RAB40C: variants seen among roughly 807,000 people sequenced by gnomAD.
RAB40C encodes the protein ras-related protein Rab-40C.
RAB40C carries 8 observed loss-of-function variants against 28.1 expected under a neutral mutation model. That is an observed-to-expected ratio of 0.28 (90% CI 0.17 to 0.51). The LOEUF (loss-of-function observed/expected upper bound fraction) is 0.51. Ranked by LOEUF, RAB40C falls within the 20% of genes least tolerant of loss-of-function variation. The probability of loss-of-function intolerance (pLI) is 0.97; values close to 1 mark genes in which losing one functional copy is unlikely to be tolerated. For synonymous variants in RAB40C, 201 were observed against 171.7 expected (o/e 1.17, Z -1.34); for missense variants, 288 against 405.9 (o/e 0.71, Z 2.50).
At chr16:624,369 T>G in intron 3 of RAB40C, 1 of 985,470 alleles carries the variant, frequency 1.0e-6, no homozygotes, top group Non-Finnish European at 1.2e-6. Context: ...ATCTTATCAT[T>G]TATCGCCCAC....
chr16:625,266 G>C, intron 3 of RAB40C, 166 bp from the exon 4 acceptor site: 1 of 1,448,516 alleles, frequency 6.9e-7, no homozygotes, highest in East Asian at 2.6e-5. Context: ...TGAGGGGCAG[G>C]GCTGCACCAG....
At chr16:601,520 C>T (rs2036248105) in intron 1 of RAB40C, among the ~76,000 whole-genome samples, 1 of 152,144 alleles carries the variant, frequency 6.6e-6, no homozygotes, top group African/African-American at 2.4e-5. Context: ...GCAGCCGCGT[C>T]AGCAGAGCAA....
intron 3 of RAB40C, among the ~76,000 whole-genome samples, chr16:619,266 G>T (rs1282328507): frequency 6.6e-6 from 1 of 151,162 alleles, no homozygotes; most frequent in Non-Finnish European, 1.5e-5. Flanking sequence ...TGCAGTGTGT[G>T]TGCAGGTGTG....
chr16:604,323 CACTAA>C (rs1484898787), intron 1 of RAB40C, among the ~76,000 whole-genome samples: 2 of 152,178 alleles, frequency 1.3e-5, no homozygotes, highest in African/African-American at 4.8e-5. Context: ...GTGGCACTAG[CACTAA>C]ACTATAACAC....
chr16:591,486 CCT>C (rs2035996284), intron 1 of RAB40C, among the ~76,000 whole-genome samples: 1 of 152,114 alleles, frequency 6.6e-6, no homozygotes, highest in South Asian at 2.1e-4. Flanking sequence ...ACGCTGTTCC[CCT>C]GAGGTATTTG....
At chr16:604,689 A>G (rs914508894) in intron 1 of RAB40C, among the ~76,000 whole-genome samples, 2 of 152,242 alleles carry the variant, frequency 1.3e-5, no homozygotes, top group African/African-American at 2.4e-5. Context: ...GCTGTCATAT[A>G]TGAGTGTACG....
Position 606,629 on chromosome 16 carries a change from G to A in RAB40C, c.143-10579G>A, listed in dbSNP as rs112736544. Among the ~76,000 whole-genome samples, 23 of 152,354 alleles carry A rather than the reference G, an allele frequency of 1.5e-4. 1 individual carries two copies. The highest frequency in any genetic ancestry group is 1.7e-4 in the African/African-American group (7 of 41,588). On this transcript the variant is annotated intron_variant, in intron 1 of 5. Transcript: ENST00000248139. ...CTCGTTGGGAGGTTGGCAGAATTCC[G>A]TTCTTGCTGGTGGTAGGACTGGCAG...
intron 1 of RAB40C, among the ~76,000 whole-genome samples, chr16:593,948 G>A (rs1328399089): frequency 2.0e-5 from 3 of 152,174 alleles, no homozygotes; most frequent in South Asian, 2.1e-4. Context: ...GGTGGTGCAC[G>A]CGGCGGGGAG....
At chr16:619,970 G>GGGA (rs1433268038) in intron 3 of RAB40C, among the ~76,000 whole-genome samples, 2 of 152,236 alleles carry the variant, frequency 1.3e-5, no homozygotes, top group East Asian at 3.8e-4. Context: ...GCTCCCTCAT[G>GGGA]GGAGCAGAAG....
chr16:599,313 G>A (rs1394349667), intron 1 of RAB40C, among the ~76,000 whole-genome samples: 2 of 152,238 alleles, frequency 1.3e-5, no homozygotes, highest in East Asian at 1.9e-4. Context: ...TCAGGCTGAT[G>A]CCTGCCCGTG....
Position 610,997 on chromosome 16 carries a change from C to T in RAB40C, c.143-6211C>T, listed in dbSNP as rs186481072. Among the ~76,000 whole-genome samples, 85 of 152,232 alleles carry T rather than the reference C, an allele frequency of 5.6e-4. No individual in the cohort carries two copies. The highest frequency in any genetic ancestry group is 2.0e-3 in the African/African-American group (83 of 41,556). The stretch of plus-strand genomic sequence containing the variant: ...TGTGTCTAAATGGTATCCATGGGGA[C>T]GTTGTTTCATAGTCTTCTTACACTT... On this transcript the variant is annotated intron_variant, in intron 1 of 5. Coordinates refer to ENST00000248139, the MANE Select transcript of RAB40C (RefSeq NM_021168.5). The surrounding 1 kb of genome is among the most constrained non-coding windows in gnomAD (Gnocchi z 4.6).
intron 3 of RAB40C, among the ~76,000 whole-genome samples, chr16:619,143 T>G (rs112567902): frequency 3.4e-4 from 36 of 105,366 alleles, no homozygotes; most frequent in African/African-American, 1.2e-3. Flanking sequence ...CAGTGTGTGC[T>G]CAGGTGTGGT....
chr16:591,817 A>G (rs2036005843), intron 1 of RAB40C, among the ~76,000 whole-genome samples: 1 of 151,980 alleles, frequency 6.6e-6, no homozygotes, highest in Non-Finnish European at 1.5e-5. Flanking sequence ...GGATGGTCTC[A>G]ATCTCCTGAC....
At chr16:626,670 G>T (rs1284286291) in intron 5 of RAB40C, among the ~76,000 whole-genome samples, 1 of 152,214 alleles carries the variant, frequency 6.6e-6, no homozygotes, top group Non-Finnish European at 1.5e-5. Flanking sequence ...TGGCACGGTG[G>T]CTCACTCCTG....
chr16:629,239 T>C lies in RAB40C; in HGVS notation c.*1617T>C. 1 of 285,508 alleles carries C rather than the reference T, an allele frequency of 3.5e-6. No individual in the cohort carries two copies. The highest frequency in any genetic ancestry group is 3.3e-5 in the South Asian group (1 of 29,868). The allele number at this position is 285,508 out of a possible 1,614,324, so 17.7% of individuals were successfully genotyped here. On this transcript the variant is annotated 3_prime_UTR_variant, in exon 6 of 6. Transcript: ENST00000248139. ...TTCCTGGTTCTCTCCGAACCGTTCT[T>C]TGTACAGTAAATGTAATTCAGCTGT...
rs531616420 is a variant in RAB40C, at chr16:617,010, C to T, written c.143-198C>T. On this transcript the variant is annotated intron_variant, in intron 1 of 5. Transcript: ENST00000248139. The stretch of plus-strand genomic sequence containing the variant: ...GCCCTGCCCCGCCCTGCCCGTGGCC[C>T]GTGTGCAGAAGTGGGCAGGCCTGGG... The T allele has an allele frequency of 1.3e-4, 78 of 605,208 alleles. 2 individuals are homozygous for T. The highest frequency in any genetic ancestry group is 1.2e-3 in the South Asian group (64 of 52,544). The allele number at this position is 605,208 out of a possible 1,614,324, so 37.5% of individuals were successfully genotyped here.
Position 590,260 on chromosome 16 carries a change from GGCGGCCGGCGCGGGGCGCAGGCGGC to G in RAB40C, c.-25_-1del, listed in dbSNP as rs1402237600. The G allele has an allele frequency of 2.1e-6, 3 of 1,435,440 alleles. No individual in the cohort carries two copies. The highest frequency in any genetic ancestry group is 1.8e-6 in the Non-Finnish European group (2 of 1,091,362). 88.9% of individuals were successfully genotyped at this position (1,435,440 alleles called of 1,614,324 possible). ...GGCCTCACCCGGCGGTGCTTCGGCA[GGCGGCCGGCGCGGGGCGCAGGCGGC>G]GCGGCCATGGGCTCGCAGGGCAGTC... On this transcript the variant is annotated 5_prime_UTR_variant, in exon 1 of 6. Transcript: ENST00000248139.
chr16:603,516 T>A (rs118101930), intron 1 of RAB40C, among the ~76,000 whole-genome samples: 1 of 152,172 alleles, frequency 6.6e-6, no homozygotes, highest in Non-Finnish European at 1.5e-5. Flanking sequence ...GGCTCTGATA[T>A]GTGTTCAGGC....
chr16:593,369 C>T (rs1596395563), intron 1 of RAB40C, among the ~76,000 whole-genome samples: 1 of 152,246 alleles, frequency 6.6e-6, no homozygotes, highest in East Asian at 1.9e-4. Context: ...GCCTCTGGCC[C>T]TCGTGGGAAG....
Sources: gnomAD v4.1 joint callset for allele counts (sites outside exome capture counted in the v4.1 genomes callset) on GRCh38, gnomAD v4.1.1 for gene constraint, Gnocchi (gnomAD v3.1) non-coding constraint, MANE v1.5 for transcripts, NCBI Gene and HGNC (gene_info 2026-07-23, HGNC 2026-07-21) for gene names.